The following GDNF variants were observed in gnomAD, a reference collection of about 807,000 sequenced individuals.
GDNF encodes the protein glial cell line-derived neurotrophic factor.
In GDNF, 5 loss-of-function variants were observed where a neutral mutation model predicts 13.7. The ratio of observed to expected loss-of-function variants is 0.36; its 90% CI spans 0.19 to 0.77. The LOEUF (loss-of-function observed/expected upper bound fraction) is 0.77. Ranked by LOEUF, GDNF falls within the 30% of genes least tolerant of loss-of-function variation. GDNF has a pLI of 0.51. For synonymous variants in GDNF, 122 were observed against 112.5 expected (o/e 1.08, Z -0.53); for missense variants, 246 against 274.3 (o/e 0.90, Z 0.73).
intron 1 of GDNF, among the ~76,000 whole-genome samples, chr5:37,836,979 G>T (rs1163129436): frequency 1.3e-5 from 2 of 152,242 alleles, no homozygotes; most frequent in African/African-American, 4.8e-5. Flanking sequence ...TCGGCCGAGC[G>T]CCGCCAGCGC....
intron 1 of GDNF, 119 bp from the exon 2 acceptor site, chr5:37,834,941 A>C: frequency 1.1e-6 from 1 of 910,924 alleles, no homozygotes. Flanking sequence ...GCACCGCTGC[A>C]GGCCAGCGGC....
rs1750788872 is a variant in GDNF at position 37,838,557 on chromosome 5, C to T, written c.-27+950G>A. 6.6e-6 allele frequency among the ~76,000 whole-genome samples: 1 copy of T among 152,208 alleles called. No homozygotes were observed. Among genetic ancestry groups the T allele is most frequent in the African/African-American group, 2.4e-5 (1 of 41,456 alleles). ...TCGCGAGCTCTGGGATGGGTAAGCC[C>T]CCCGGGGGCGCGCACATGGGTCCTG... On this transcript the variant is annotated intron_variant, in intron 1 of 2. Coordinates refer to ENST00000326524, the MANE Select transcript of GDNF (RefSeq NM_000514.4). The surrounding 1 kb of genome is among the most constrained non-coding windows in gnomAD (Gnocchi z 4.1).
chr5:37,835,738 G>T, intron 1 of GDNF: 2 of 1,227,270 alleles, frequency 1.6e-6, no homozygotes, highest in South Asian at 1.3e-5. Flanking sequence ...GAGAGATTCT[G>T]GCCCTAATCC....
In GDNF at chr5:37,838,826, G is replaced by A. The variant is rs1750798978; in HGVS notation, c.-27+681C>T. Among the ~76,000 whole-genome samples, 2 of 152,162 alleles carry A rather than the reference G, an allele frequency of 1.3e-5. No homozygotes were observed. The highest frequency in any genetic ancestry group is 2.4e-5 in the African/African-American group (1 of 41,428). ...AAAATAATAACCTCAATGGCCTAGTGGAGTCTCAAGAATACGTTCGAGACA... is the reference window on the plus strand; with the variant it reads ...AAAATAATAACCTCAATGGCCTAGTAGAGTCTCAAGAATACGTTCGAGACA... On this transcript the variant is annotated intron_variant, in intron 1 of 2. Transcript: ENST00000326524. The surrounding 1 kb of genome is among the most constrained non-coding windows in gnomAD (Gnocchi z 4.1).
In GDNF at chr5:37,816,019, C is replaced by G. The variant is rs762631054; in HGVS notation, c.268G>C (p.Glu90Gln). The change falls in exon 3 of 3, where the codon GAG becomes CAG. Residue 90 changes from glutamate (E) to glutamine (Q), a missense_variant. Physicochemically the swap from Glu to Gln is conservative, Grantham distance 29 (BLOSUM62 2). Transcript: ENST00000326524. The stretch of plus-strand genomic sequence containing the variant: ...GCAGCTGCAGCCTGCCGATTCCGCT[C>G]TCTTCTAGGAAGCACTGCCATTTGT... ...DKQMAVLPRR[E>Q]RNRQAAAANP... is the part of the protein sequence containing the mutation. 3.7e-6 allele frequency: 6 copies of G among 1,613,770 alleles called. No homozygotes were observed. The highest frequency in any genetic ancestry group is 5.1e-6 in the Non-Finnish European group (6 of 1,179,772).
chr5:37,819,460 T>TG (rs1184725793), intron 2 of GDNF, among the ~76,000 whole-genome samples: 2 of 150,134 alleles, frequency 1.3e-5, no homozygotes, highest in African/African-American at 2.4e-5. Context: ...TTTTTTTTTT[T>TG]TTTGTTTTTG....
At position 37,838,977 on chromosome 5, in the gene GDNF, C is replaced by G. The variant is rs1270491192; in HGVS notation, c.-27+530G>C. On this transcript the variant is annotated intron_variant, in intron 1 of 2. Transcript: ENST00000326524. The surrounding 1 kb of genome is among the most constrained non-coding windows in gnomAD (Gnocchi z 4.1). Reference sequence around the variant, plus strand: ...AGGAATGTAGCTTTGCCAGACCTCGCCCGGAGGAGGTGAGCCCTCCATTTT... The same window carrying G: ...AGGAATGTAGCTTTGCCAGACCTCGGCCGGAGGAGGTGAGCCCTCCATTTT... Among the ~76,000 whole-genome samples the G allele has an allele frequency of 6.6e-6, 1 of 152,156 alleles. No individual in the cohort carries two copies. Among genetic ancestry groups the G allele is most frequent in the Non-Finnish European group, 1.5e-5 (1 of 68,030 alleles).
At chr5:37,836,522 C>A (rs935878700) in intron 1 of GDNF, among the ~76,000 whole-genome samples, 1 of 152,222 alleles carries the variant, frequency 6.6e-6, no homozygotes, top group Non-Finnish European at 1.5e-5. Flanking sequence ...TCTTGCCTCG[C>A]GGGCTGGTTT....
In GDNF at chr5:37,834,701, G is replaced by T. The variant is rs763048824; in HGVS notation, c.96C>A (p.Pro32=). 1 of 1,609,908 alleles carries T rather than the reference G, an allele frequency of 6.2e-7. No homozygotes were observed. Among genetic ancestry groups the T allele is most frequent in the Admixed American group, 1.7e-5 (1 of 59,830 alleles). Residue 32 remains proline (P), a synonymous_variant, in exon 2 of 3, where the codon CCC becomes CCA. Coordinates refer to ENST00000326524, the MANE Select transcript of GDNF (RefSeq NM_000514.4). ...GGCGGCCGAGGGAGCGGTCTTCGGC[G>T]GGCGCCTCGGGAGGCCTCTTACCGG... ...LPAGKRPPEA[P]AEDRSLGRRR... is the part of the protein sequence containing the mutation.
In GDNF at chr5:37,815,096, C is replaced by T. The variant is rs1749860639; in HGVS notation, c.*555G>A. ...AACTTTCAAATGCAAAGGTGATTAT[C>T]TCTTGTATCTTTGCTTTTTTTTTCC... On this transcript the variant is annotated 3_prime_UTR_variant, in exon 3 of 3. Coordinates refer to ENST00000326524, the MANE Select transcript of GDNF (RefSeq NM_000514.4). This position sits in a 1 kb window ranked among gnomAD's most constrained non-coding sequence, Gnocchi z 5.0. 1.9e-5 allele frequency: 3 copies of T among 157,278 alleles called. No homozygotes were observed. The highest frequency in any genetic ancestry group is 1.8e-4 in the Admixed American group (3 of 16,304). The allele number at this position is 157,278 out of a possible 1,614,324, so 9.7% of individuals were successfully genotyped here.
rs1394372478 is a variant in GDNF, at chr5:37,834,669, G to C, written c.128C>G (p.Ala43Gly). The C allele has an allele frequency of 6.2e-7, 1 of 1,603,956 alleles. No individual in the cohort carries two copies. Among genetic ancestry groups the C allele is most frequent in the East Asian group, 2.2e-5 (1 of 44,532 alleles). The change falls in exon 2 of 3, where the codon GCG becomes GGG. Residue 43 changes from alanine to glycine, a missense_variant. Coordinates refer to ENST00000326524, the MANE Select transcript of GDNF (RefSeq NM_000514.4). ...ACAGTCACTGCTCAGCGCGAAGGGC[G>C]CGCGGCGGCGGCCGAGGGAGCGGTC... ...AEDRSLGRRR[A>G]PFALSSDSNM...
chr5:37,835,326 G>T, intron 1 of GDNF: 2 of 605,404 alleles, frequency 3.3e-6, no homozygotes, highest in Non-Finnish European at 5.1e-6. Flanking sequence ...AAAATCAAGC[G>T]CATTCCCCTG....
rs1749891899 is a variant in GDNF, at chr5:37,815,660, T to G, written c.627A>C (p.Gly209=). The G allele has an allele frequency of 6.2e-7, 1 of 1,613,666 alleles. No individual in the cohort carries two copies. Among genetic ancestry groups the G allele is most frequent in the Non-Finnish European group, 8.5e-7 (1 of 1,179,612 alleles). The change falls in exon 3 of 3, where the codon GGA becomes GGC. Residue 209 remains glycine, a synonymous_variant. Transcript: ENST00000326524. This position sits in a 1 kb window ranked among gnomAD's most constrained non-coding sequence, Gnocchi z 5.0. Reference sequence around the variant, plus strand: ...GTCTCTGGAGCCGGAGTCAGATACATCCACACCTTTTAGCGGAATGCTTTC... The same window carrying G: ...GTCTCTGGAGCCGGAGTCAGATACAGCCACACCTTTTAGCGGAATGCTTTC... ...ILRKHSAKRC[G]CI
At chr5:37,817,108 C>T (rs1448969026) in intron 2 of GDNF, among the ~76,000 whole-genome samples, 2 of 152,182 alleles carry the variant, frequency 1.3e-5, no homozygotes, top group Non-Finnish European at 2.9e-5. Context: ...TGGCTGCAAG[C>T]AGGACAAGAG....
rs1388317633 is a variant in GDNF, at chr5:37,839,479, C to G, written c.-27+28G>C. ...CCGCGACGCAGGCACCACCCGCTCC[C>G]TGCTCCCCGGCCCGCTCCCTCACTT... On this transcript the variant is annotated intron_variant, in intron 1 of 2. Transcript: ENST00000326524. The surrounding 1 kb of genome is among the most constrained non-coding windows in gnomAD (Gnocchi z 5.5). The G allele has an allele frequency of 1.3e-5, 2 of 153,122 alleles. No homozygotes were observed. The highest frequency in any genetic ancestry group is 2.9e-5 in the Non-Finnish European group (2 of 68,786). The allele number at this position is 153,122 out of a possible 1,614,324, so 9.5% of individuals were successfully genotyped here. A position where few individuals can be genotyped will look rare whatever the true frequency, so the allele number is the denominator to read the frequency against.
At chr5:37,819,451 T>TC (rs1750047601) in intron 2 of GDNF, among the ~76,000 whole-genome samples, 1 of 150,048 alleles carries the variant, frequency 6.7e-6, no homozygotes, top group South Asian at 2.1e-4. Flanking sequence ...TTTCTTTTTT[T>TC]TTTTTTTTTT....
chr5:37,825,207 T>C (rs545121419), intron 2 of GDNF, among the ~76,000 whole-genome samples: 2 of 152,186 alleles, frequency 1.3e-5, no homozygotes, highest in South Asian at 4.1e-4. Flanking sequence ...GACTGAAAAT[T>C]ACTCCATCAA....
Position 37,815,348 on chromosome 5 carries a change from T to C in GDNF, c.*303A>G, listed in dbSNP as rs1749871120. The C allele has an allele frequency of 2.2e-6, 1 of 463,726 alleles. No homozygotes were observed. The highest frequency in any genetic ancestry group is 2.0e-5 in the African/African-American group (1 of 50,690). 28.7% of individuals were successfully genotyped at this position (463,726 alleles called of 1,614,324 possible). On this transcript the variant is annotated 3_prime_UTR_variant, in exon 3 of 3. Transcript: ENST00000326524. The surrounding 1 kb of genome is among the most constrained non-coding windows in gnomAD (Gnocchi z 5.0). ...ACTGTATCAGCTGAAATGGTGGCAATAGCCAACCAGGAACATCAGCCCTGA... is the reference window on the plus strand; with the variant it reads ...ACTGTATCAGCTGAAATGGTGGCAACAGCCAACCAGGAACATCAGCCCTGA...
In GDNF at chr5:37,838,188, C is replaced by T. The variant is rs1308336685; in HGVS notation, c.-27+1319G>A. On this transcript the variant is annotated intron_variant, in intron 1 of 2. Coordinates refer to ENST00000326524, the MANE Select transcript of GDNF (RefSeq NM_000514.4). This position sits in a 1 kb window ranked among gnomAD's most constrained non-coding sequence, Gnocchi z 4.1. ...ACTTCTCGCAGGCAAACTGGGAAAGCGGTCTGTTTAAAGGGCCAGGTTCCA... is the reference window on the plus strand; with the variant it reads ...ACTTCTCGCAGGCAAACTGGGAAAGTGGTCTGTTTAAAGGGCCAGGTTCCA... Among the ~76,000 whole-genome samples the T allele has an allele frequency of 6.6e-6, 1 of 152,088 alleles. No homozygotes were observed. Among genetic ancestry groups the T allele is most frequent in the African/African-American group, 2.4e-5 (1 of 41,398 alleles).
Sources: allele counts gnomAD v4.1 joint callset (sites outside exome capture counted in the v4.1 genomes callset), GRCh38; gene constraint gnomAD v4.1.1; non-coding constraint Gnocchi (gnomAD v3.1); transcripts MANE v1.5; gene names NCBI Gene and HGNC (gene_info 2026-07-23, HGNC 2026-07-21).